BCAS3: variants seen among roughly 807,000 people sequenced by gnomAD.
The protein encoded by BCAS3 is BCAS4/BCAS3 fusion.
Under a neutral mutation model 116.1 loss-of-function variants are expected in BCAS3, and 53 were observed. The ratio of observed to expected loss-of-function variants is 0.46; its 90% CI spans 0.37 to 0.57. The LOEUF is 0.57. Among genes scored for constraint, BCAS3 ranks in the 20% least tolerant of loss-of-function variants. The probability of loss-of-function intolerance (pLI) is 0.00; values close to 1 mark genes in which losing one functional copy is unlikely to be tolerated. For missense variants in BCAS3, 917 were observed against 1,165.4 expected, an observed-to-expected ratio of 0.79 and a Z score of 3.10; for synonymous variants, 391 against 408.2, an observed-to-expected ratio of 0.96 and a Z score of 0.51.
In BCAS3 at chr17:61,063,842, A is replaced by G. The variant is rs547105841; in HGVS notation, c.2030-11078A>G. ...TGAATTTTTTTCCTATCAAATTGATATGGATGGCCTGGCCACTGAAGACTT... is the reference window on the plus strand; with the variant it reads ...TGAATTTTTTTCCTATCAAATTGATGTGGATGGCCTGGCCACTGAAGACTT... On this transcript the variant is annotated intron_variant, in intron 19 of 23. Transcript: ENST00000407086. This position sits in a 1 kb window ranked among gnomAD's most constrained non-coding sequence, Gnocchi z 5.3. Among the ~76,000 whole-genome samples the G allele has an allele frequency of 6.6e-5, 10 of 152,312 alleles. No individual in the cohort carries two copies. Among genetic ancestry groups the G allele is most frequent in the Non-Finnish European group, 1.5e-4 (10 of 68,028 alleles).
chr17:60,791,810 C>T (rs144888657), intron 6 of BCAS3, among the ~76,000 whole-genome samples: 1 of 152,142 alleles, frequency 6.6e-6, no homozygotes, highest in African/African-American at 2.4e-5. Context: ...TTTATGTATC[C>T]ATGGATATTT....
At chr17:60,848,840 CAAA>C (rs79372456) in intron 7 of BCAS3, among the ~76,000 whole-genome samples, 2 of 118,746 alleles carry the variant, frequency 1.7e-5, no homozygotes, top group Non-Finnish European at 1.9e-5. Flanking sequence ...GCTGGGACTA[CAAA>C]AAAAAAAAAA....
At chr17:60,726,039 G>A (rs1385347669) in intron 5 of BCAS3, among the ~76,000 whole-genome samples, 2 of 150,996 alleles carry the variant, frequency 1.3e-5, no homozygotes. Flanking sequence ...GGGATTACAG[G>A]CATGCACCAC....
intron 7 of BCAS3, among the ~76,000 whole-genome samples, chr17:60,833,313 T>A (rs2051103362): frequency 6.6e-6 from 1 of 152,230 alleles, no homozygotes; most frequent in Admixed American, 6.5e-5. Context: ...GCACTTTTTT[T>A]ATAATGCAAA....
rs1474418153 is a variant in BCAS3, at chr17:61,347,485, C to T, written c.2426-20842C>T. 6.6e-6 allele frequency among the ~76,000 whole-genome samples: 1 copy of T among 152,218 alleles called. No individual in the cohort carries two copies. Among genetic ancestry groups the T allele is most frequent in the African/African-American group, 2.4e-5 (1 of 41,452 alleles). ...TTCCCTCCCTTCTTCCTGCTAGGTG[C>T]CAGGAACTGAGGCACTGTGCTGTGC... On this transcript the variant is annotated intron_variant, in intron 22 of 23. Transcript: ENST00000407086. This position sits in a 1 kb window ranked among gnomAD's most constrained non-coding sequence, Gnocchi z 4.3.
At chr17:61,092,996 C>G (rs1292962102) in intron 22 of BCAS3, among the ~76,000 whole-genome samples, 2 of 147,808 alleles carry the variant, frequency 1.4e-5, no homozygotes, top group Non-Finnish European at 3.0e-5. Flanking sequence ...ACTTCCGTCT[C>G]CCAGGTTCAA....
chr17:61,123,968 CA>C (rs2075925984), intron 22 of BCAS3, among the ~76,000 whole-genome samples: 1 of 152,200 alleles, frequency 6.6e-6, no homozygotes, highest in African/African-American at 2.4e-5. Flanking sequence ...TGTGTCTAAT[CA>C]AATTGATCTT....
chr17:61,158,102 A>G (rs2077967759), intron 22 of BCAS3, among the ~76,000 whole-genome samples: 1 of 152,180 alleles, frequency 6.6e-6, no homozygotes, highest in South Asian at 2.1e-4. Flanking sequence ...TAGCATTAAT[A>G]CTGTAAAATG....
chr17:60,850,570 G>T (rs959884334), intron 7 of BCAS3, among the ~76,000 whole-genome samples: 9 of 151,838 alleles, frequency 5.9e-5, no homozygotes, highest in Non-Finnish European at 8.8e-5. Flanking sequence ...TATTGGTCAG[G>T]CTGGTCTCGA....
chr17:61,287,367 T>C (rs936911207), intron 22 of BCAS3, among the ~76,000 whole-genome samples: 1 of 151,846 alleles, frequency 6.6e-6, no homozygotes, highest in African/African-American at 2.4e-5. Flanking sequence ...TGGGGAAAAT[T>C]GTCTGCCATA....
chr17:60,836,542 TAAAAA>T (rs1407659681), intron 7 of BCAS3, among the ~76,000 whole-genome samples: 1 of 151,620 alleles, frequency 6.6e-6, no homozygotes, highest in Non-Finnish European at 1.5e-5. Flanking sequence ...TCCACATAGT[TAAAAA>T]AAAGAAAAAA....
At position 61,290,887 on chromosome 17, in the gene BCAS3, T is replaced by C. The variant is rs559206726; in HGVS notation, c.2426-77440T>C. 5.3e-5 allele frequency among the ~76,000 whole-genome samples: 8 copies of C among 152,198 alleles called. No homozygotes were observed. The South Asian group carries it at 1.7e-3, about 32-fold the overall frequency. On this transcript the variant is annotated intron_variant, in intron 22 of 23. Transcript: ENST00000407086. ...GCTCCGCCTCCCGGGTTCATGCCATTCTCCTGCCTCAGCCTCCCAAGTAGC... is the reference window on the plus strand; with the variant it reads ...GCTCCGCCTCCCGGGTTCATGCCATCCTCCTGCCTCAGCCTCCCAAGTAGC...
At chr17:60,894,300 G>T (rs2057371241) in intron 10 of BCAS3, among the ~76,000 whole-genome samples, 1 of 151,760 alleles carries the variant, frequency 6.6e-6, no homozygotes. Flanking sequence ...TCATCTCCTT[G>T]GTTAAATTTC....
intron 6 of BCAS3, among the ~76,000 whole-genome samples, chr17:60,748,529 G>C (rs1043427270): frequency 9.2e-5 from 14 of 152,134 alleles, no homozygotes; most frequent in South Asian, 4.1e-4. Flanking sequence ...TTTCTAGAAG[G>C]GTTTTGGAAT....
chr17:61,002,733 T>TG (rs1321042868), intron 15 of BCAS3: 3 of 152,066 alleles, frequency 2.0e-5, no homozygotes, highest in Non-Finnish European at 4.4e-5. Flanking sequence ...TTTGAGTATG[T>TG]GGGGTCATTA....
rs1285901361 is a variant in BCAS3, at chr17:61,357,278, T to A, written c.2426-11049T>A. Reference sequence around the variant, plus strand: ...TAAATAAATAAATAAATTAATTAATTAAATAAATAAATAAATAAAATAACA... The same window carrying A: ...TAAATAAATAAATAAATTAATTAATAAAATAAATAAATAAATAAAATAACA... On this transcript the variant is annotated intron_variant, in intron 22 of 23. Coordinates refer to ENST00000407086, the MANE Select transcript of BCAS3 (RefSeq NM_017679.5). Among the ~76,000 whole-genome samples the A allele has an allele frequency of 1.5e-3, 218 of 144,788 alleles. 1 individual carries two copies. Among genetic ancestry groups the A allele is most frequent in the African/African-American group, 5.4e-3 (210 of 38,684 alleles). 95.0% of individuals were successfully genotyped at this position (144,788 alleles called of 152,430 possible). A position where few individuals can be genotyped will look rare whatever the true frequency, so the allele number is the denominator to read the frequency against.
intron 13 of BCAS3, among the ~76,000 whole-genome samples, chr17:60,934,113 G>GA (rs11464468): frequency 0.22 from 32,898 of 150,020 alleles, 4,292 homozygotes; most frequent in African/African-American, 0.38. Flanking sequence ...TTTAAAAGCA[G>GA]AAAAAAAAAC....
At chr17:61,372,372 G>A (rs1782502622) in intron 23 of BCAS3, among the ~76,000 whole-genome samples, 1 of 152,080 alleles carries the variant, frequency 6.6e-6, no homozygotes, top group African/African-American at 2.4e-5. Flanking sequence ...CTTGGCCCTG[G>A]TCTCTTCTCT....
chr17:60,758,537 C>T (rs1423640463), intron 6 of BCAS3, among the ~76,000 whole-genome samples: 1 of 152,068 alleles, frequency 6.6e-6, no homozygotes, highest in East Asian at 1.9e-4. Flanking sequence ...CCCACCACCA[C>T]TCCTGGCTAA....
Sources: allele counts gnomAD v4.1 joint callset (sites outside exome capture counted in the v4.1 genomes callset), GRCh38; gene constraint gnomAD v4.1.1; non-coding constraint Gnocchi (gnomAD v3.1); transcripts MANE v1.5; gene names NCBI Gene and HGNC (gene_info 2026-07-23, HGNC 2026-07-21).